Variants in CDH13 observed in about 807,000 individuals in gnomAD.
The protein encoded by CDH13 is cadherin-13.
In CDH13, 24 loss-of-function variants were observed where a neutral mutation model predicts 63.8. The ratio of observed to expected loss-of-function variants is 0.38; its 90% CI spans 0.27 to 0.53. CDH13 has a LOEUF of 0.53. Among genes scored for constraint, CDH13 ranks in the 20% least tolerant of loss-of-function variants. The probability of loss-of-function intolerance (pLI) is 0.85; values close to 1 mark genes in which losing one functional copy is unlikely to be tolerated. For missense variants in CDH13, 1,049 were observed against 903.1 expected, an observed-to-expected ratio of 1.16 and a Z score of -2.07; for synonymous variants, 503 against 355.3, an observed-to-expected ratio of 1.42 and a Z score of -4.67.
chr16:83,588,841 G>T (rs1013430019), intron 7 of CDH13, among the ~76,000 whole-genome samples: 24 of 152,218 alleles, frequency 1.6e-4, no homozygotes, highest in African/African-American at 5.5e-4. Context: ...GCTGGCAGGT[G>T]GGCGAGGAAT....
chr16:83,382,323 T>C (rs2091583068), intron 6 of CDH13, among the ~76,000 whole-genome samples: 1 of 152,188 alleles, frequency 6.6e-6, no homozygotes, highest in Non-Finnish European at 1.5e-5. Context: ...GTTGTGCAAA[T>C]AAATCCACAA....
chr16:83,006,721 C>T (rs1913536564), intron 2 of CDH13, among the ~76,000 whole-genome samples: 1 of 152,176 alleles, frequency 6.6e-6, no homozygotes, highest in Admixed American at 6.5e-5. Flanking sequence ...TGTTTAAAAA[C>T]TGGTTCTTTT....
chr16:82,945,464 G>C (rs937058526), intron 2 of CDH13, among the ~76,000 whole-genome samples: 1 of 152,170 alleles, frequency 6.6e-6, no homozygotes, highest in African/African-American at 2.4e-5. Flanking sequence ...TTCCCTTACA[G>C]GGTGCTAAAC....
intron 1 of CDH13, among the ~76,000 whole-genome samples, chr16:82,741,804 A>G (rs113261579): frequency 0.019 from 2,954 of 152,302 alleles, 107 homozygotes; most frequent in African/African-American, 0.068. Flanking sequence ...AAGACATAGT[A>G]TTGAAAAAAA....
intron 1 of CDH13, among the ~76,000 whole-genome samples, chr16:82,768,742 C>A (rs1221500011): frequency 6.6e-6 from 1 of 152,190 alleles, no homozygotes; most frequent in African/African-American, 2.4e-5. Context: ...GTTCAGCAGC[C>A]ACTGAACATC....
chr16:83,769,880 G>A (rs1451803078), intron 11 of CDH13, among the ~76,000 whole-genome samples: 1 of 152,148 alleles, frequency 6.6e-6, no homozygotes, highest in Non-Finnish European at 1.5e-5. Flanking sequence ...CAGGCTGAAA[G>A]GGGAAAGGAG....
At chr16:83,000,928 T>C (rs1597386289) in intron 2 of CDH13, among the ~76,000 whole-genome samples, 1 of 152,340 alleles carries the variant, frequency 6.6e-6, no homozygotes, top group East Asian at 1.9e-4. Flanking sequence ...TTACTCATTC[T>C]ATGCCTATTT....
In CDH13 at chr16:83,379,517, T is replaced by C. The variant is rs937942514; in HGVS notation, c.781+34511T>C. Among the ~76,000 whole-genome samples the C allele has an allele frequency of 7.7e-4, 117 of 152,326 alleles. 1 individual carries two copies. Among genetic ancestry groups the C allele is most frequent in the Non-Finnish European group, 2.6e-4 (18 of 68,024 alleles). ...TTTGGTGAGGTTGATCAACCAGTTATATATTTACCTAAGAGTTTGATCACT... is the reference window on the plus strand; with the variant it reads ...TTTGGTGAGGTTGATCAACCAGTTACATATTTACCTAAGAGTTTGATCACT... On this transcript the variant is annotated intron_variant, in intron 6 of 13. Transcript: ENST00000567109.
intron 1 of CDH13, among the ~76,000 whole-genome samples, chr16:82,694,573 C>G (rs1292557016): frequency 1.3e-5 from 2 of 152,152 alleles, no homozygotes; most frequent in Non-Finnish European, 2.9e-5. Flanking sequence ...CTCCCAGGCC[C>G]ATTCCCAATC....
intron 7 of CDH13, among the ~76,000 whole-genome samples, chr16:83,526,409 C>G (rs1021687332): frequency 6.6e-6 from 1 of 152,176 alleles, no homozygotes; most frequent in African/African-American, 2.4e-5. Flanking sequence ...CCGGATGAAA[C>G]TGTTCCACCT....
At position 82,858,232 on chromosome 16, in the gene CDH13, C is replaced by T. The variant is rs545103997; in HGVS notation, c.46-130C>T. The stretch of plus-strand genomic sequence containing the variant: ...TTGTTGGCAGCCACTGGAGAAGTTT[C>T]AACTTACCTCTTCATTTGGGAAATG... On this transcript the variant is annotated intron_variant, in intron 1 of 13. Transcript: ENST00000567109. The T allele has an allele frequency of 4.1e-5, 26 of 627,738 alleles. No individual in the cohort carries two copies. In the African/African-American group the frequency reaches 4.8e-4, roughly 12 times the overall value. 38.9% of individuals were successfully genotyped at this position (627,738 alleles called of 1,614,324 possible).
chr16:83,488,564 A>G (rs900683242), intron 7 of CDH13, among the ~76,000 whole-genome samples: 1 of 152,198 alleles, frequency 6.6e-6, no homozygotes, highest in South Asian at 2.1e-4. Context: ...TAATGAGTCC[A>G]TTATATTCAT....
intron 11 of CDH13, among the ~76,000 whole-genome samples, chr16:83,766,883 T>G (rs1914425581): frequency 6.6e-6 from 1 of 152,150 alleles, no homozygotes; most frequent in Non-Finnish European, 1.5e-5. Flanking sequence ...TATAAGCATC[T>G]GGCATTCCCC....
intron 3 of CDH13, among the ~76,000 whole-genome samples, chr16:83,108,451 G>A (rs186467717): frequency 7.0e-4 from 106 of 152,318 alleles, no homozygotes; most frequent in Admixed American, 2.3e-3. Context: ...TCAGCAAAGC[G>A]AGAAAGGGTC....
intron 1 of CDH13, among the ~76,000 whole-genome samples, chr16:82,679,500 C>G (rs1000105981): frequency 2.0e-5 from 3 of 152,150 alleles, no homozygotes; most frequent in African/African-American, 7.2e-5. Flanking sequence ...AAAAATAACG[C>G]CTGGTAAGAT....
At chr16:82,656,318 T>C (rs978678895) in intron 1 of CDH13, among the ~76,000 whole-genome samples, 1 of 151,698 alleles carries the variant, frequency 6.6e-6, no homozygotes, top group Non-Finnish European at 1.5e-5. Context: ...TGTGCGTGTG[T>C]GTGTGTGTGT....
intron 7 of CDH13, among the ~76,000 whole-genome samples, chr16:83,560,682 T>A (rs1010766409): frequency 6.6e-6 from 1 of 152,270 alleles, no homozygotes; most frequent in Non-Finnish European, 1.5e-5. Flanking sequence ...TGCTGTGTGC[T>A]CTGCCGTTGA....
intron 2 of CDH13, among the ~76,000 whole-genome samples, chr16:82,929,483 C>T (rs1039807402): frequency 5.3e-5 from 8 of 151,320 alleles, no homozygotes; most frequent in African/African-American, 1.9e-4. Context: ...AACCCCGTCT[C>T]TACTAAAAAT....
rs28693413 is a variant in CDH13 at position 83,753,952 on chromosome 16, T to A, written c.1681+5702T>A. On this transcript the variant is annotated intron_variant, in intron 11 of 13. Coordinates refer to ENST00000567109, the MANE Select transcript of CDH13 (RefSeq NM_001257.5). ...GAAAAGTCATTTCAAAAAGAAAACC[T>A]TTTTTTTTCTCTGGGTGCATTTTCT... is the stretch of plus-strand genomic sequence containing the variant. Among the ~76,000 whole-genome samples, 5 of 150,852 alleles carry A rather than the reference T, an allele frequency of 3.3e-5. No homozygotes were observed. In the East Asian group the frequency reaches 7.8e-4, roughly 24 times the overall value.
Sources: allele counts gnomAD v4.1 joint callset (sites outside exome capture counted in the v4.1 genomes callset), GRCh38; gene constraint gnomAD v4.1.1; transcripts MANE v1.5; gene names NCBI Gene and HGNC (gene_info 2026-07-23, HGNC 2026-07-21).